GABRR1: variants seen among roughly 807,000 people sequenced by gnomAD.
The protein encoded by GABRR1 is gamma-aminobutyric acid receptor subunit rho-1.
A neutral mutation model predicts 55.5 loss-of-function variants in GABRR1; 59 were observed. The observed-to-expected ratio is 1.06, with a 90% confidence interval of 0.86 to 1.32. The LOEUF is 1.32. Among genes scored for constraint, GABRR1 ranks in the 40% most tolerant of loss-of-function variants. The pLI is 0.00. For missense variants in GABRR1, 602 were observed against 619.1 expected (o/e 0.97, Z 0.29); for synonymous variants, 213 against 226.0 (o/e 0.94, Z 0.51).
intron 3 of GABRR1, among the ~76,000 whole-genome samples, chr6:89,200,331 C>T (rs9451179): frequency 0.12 from 17,497 of 146,894 alleles, 1,111 homozygotes; most frequent in Non-Finnish European, 0.14. Context: ...TCACTGCAAC[C>T]TCCGCCTCCT....
chr6:89,192,609 C>CGAG (rs1772138806), intron 5 of GABRR1, among the ~76,000 whole-genome samples: 2 of 147,448 alleles, frequency 1.4e-5, no homozygotes, highest in Non-Finnish European at 3.0e-5. Flanking sequence ...GTCGCCCAGG[C>CGAG]TGGAGTGCAG....
intron 6 of GABRR1, among the ~76,000 whole-genome samples, chr6:89,188,667 C>G (rs1482378311): frequency 1.3e-5 from 2 of 152,076 alleles, no homozygotes; most frequent in Non-Finnish European, 2.9e-5. Flanking sequence ...AATCCTTTAT[C>G]AGATAGATGA....
chr6:89,204,763 CT>C (rs1271517201), intron 1 of GABRR1: 25 of 765,072 alleles, frequency 3.3e-5, no homozygotes, highest in East Asian at 7.5e-5. Context: ...TATTAGATAA[CT>C]TTTTTTCCTG....
At chr6:89,230,972 G>A (rs927714539) in intron 1 of GABRR1, among the ~76,000 whole-genome samples, 3 of 151,620 alleles carry the variant, frequency 2.0e-5, no homozygotes, top group Admixed American at 6.6e-5. Context: ...GTGGTGCGCC[G>A]TTTTTTAAGC....
At chr6:89,217,478 A>G, upstream of GABRR1, 1 of 768,452 alleles carries the variant, frequency 1.3e-6, no homozygotes, top group South Asian at 2.0e-5. Flanking sequence ...GGAGAGCAGG[A>G]GAAAGCAATT....
rs912640944 is a variant in GABRR1 at position 89,199,114 on chromosome 6, A to G, written c.348+248T>C. ...TGCTTACATTTGAGAGCTTTTGTCC[A>G]GAAAATGCATCCCAGTGGCAAGAGC... On this transcript the variant is annotated intron_variant, in intron 4 of 9. Coordinates refer to ENST00000454853, the MANE Select transcript of GABRR1 (RefSeq NM_002042.5). 2.6e-5 allele frequency among the ~76,000 whole-genome samples: 4 copies of G among 152,296 alleles called. No individual in the cohort carries two copies. In the South Asian group the frequency reaches 8.3e-4, roughly 32 times the overall value.
intron 1 of GABRR1, among the ~76,000 whole-genome samples, chr6:89,215,146 A>C (rs937805553): frequency 1.3e-5 from 2 of 152,204 alleles, no homozygotes; most frequent in African/African-American, 4.8e-5. Flanking sequence ...TTCCTCTAAA[A>C]ACTAAAAACA....
chr6:89,230,940 G>T (rs1474626843), intron 1 of GABRR1, among the ~76,000 whole-genome samples: 2 of 151,704 alleles, frequency 1.3e-5, no homozygotes, highest in African/African-American at 4.8e-5. Context: ...GACCCTCCGA[G>T]CCAGGTGTGG....
chr6:89,207,192 TTTAATG>T (rs1464888380), intron 1 of GABRR1, among the ~76,000 whole-genome samples: 1 of 152,078 alleles, frequency 6.6e-6, no homozygotes, highest in Non-Finnish European at 1.5e-5. Context: ...TAAATTTTTT[TTTAATG>T]TTAATTTTTT....
At chr6:89,203,560 TC>T in intron 1 of GABRR1, 75 bp from the exon 2 acceptor site, 1 of 1,070,434 alleles carries the variant, frequency 9.3e-7, no homozygotes, top group Non-Finnish European at 1.5e-6. Context: ...CCCCTCTCCC[TC>T]CAGATTTGCT....
chr6:89,185,183 C>T (rs1771862604), intron 7 of GABRR1, 127 bp downstream of exon 7: 1 of 1,251,352 alleles, frequency 8.0e-7, no homozygotes, highest in Non-Finnish European at 1.1e-6. Flanking sequence ...CGGCCTCTGT[C>T]TTTAGTTTCA....
chr6:89,220,461 C>T (rs144568729), upstream of GABRR1, among the ~76,000 whole-genome samples: 375 of 152,356 alleles, frequency 2.5e-3, 2 homozygotes, highest in African/African-American at 8.4e-3. Flanking sequence ...GCCAACCATG[C>T]ATCCCTCTTA....
At position 89,197,196 on chromosome 6, in the gene GABRR1, A is replaced by G. The variant is rs444123; in HGVS notation, c.572+824T>C. ...CCATAGGTTTATAAGTCTACTGTGC[A>G]AGCATCCATGAACCCTCTACTTATA... On this transcript the variant is annotated intron_variant, in intron 5 of 9. Transcript: ENST00000454853. 8.7e-3 allele frequency among the ~76,000 whole-genome samples: 1,324 copies of G among 152,344 alleles called. 19 individuals are homozygous for G. Among genetic ancestry groups the G allele is most frequent in the African/African-American group, 0.03 (1,251 of 41,576 alleles).
chr6:89,196,885 A>AAAGAAAGAAAGAAAGAAAAGG (rs1562296995), intron 5 of GABRR1, among the ~76,000 whole-genome samples: 2 of 149,858 alleles, frequency 1.3e-5, no homozygotes, highest in South Asian at 4.3e-4. Flanking sequence ...GAAAGAGAAG[A>AAAGAAAGAAAGAAAGAAAAGG]GAAGAAAAAA....
At position 89,196,313 on chromosome 6, in the gene GABRR1, A is replaced by G. The variant is rs76049583; in HGVS notation, c.572+1707T>C. ...TCAGTGATGTTTACAACAAACTTAT[A>G]TACACATAGGTATGCATACTTTCCC... On this transcript the variant is annotated intron_variant, in intron 5 of 9. Coordinates refer to ENST00000454853, the MANE Select transcript of GABRR1 (RefSeq NM_002042.5). Among the ~76,000 whole-genome samples the G allele has an allele frequency of 7.1e-3, 1,084 of 152,032 alleles. 14 individuals carry two copies. The highest frequency in any genetic ancestry group is 0.025 in the African/African-American group (1,045 of 41,348).
intron 1 of GABRR1, among the ~76,000 whole-genome samples, chr6:89,225,330 T>C (rs1324184625): frequency 6.8e-6 from 1 of 146,536 alleles, no homozygotes; most frequent in East Asian, 2.0e-4. Context: ...TAGTTACATA[T>C]GTATACATGT....
At chr6:89,201,792 A>C (rs867944381) in intron 2 of GABRR1, among the ~76,000 whole-genome samples, 40 of 152,114 alleles carry the variant, frequency 2.6e-4, no homozygotes, top group African/African-American at 8.9e-4. Context: ...AAAAAAAAAA[A>C]AAATACCGAT....
upstream of GABRR1, among the ~76,000 whole-genome samples, chr6:89,219,251 G>A (rs1335773018): frequency 6.6e-6 from 1 of 152,124 alleles, no homozygotes; most frequent in Non-Finnish European, 1.5e-5. Context: ...GGGCAATAAG[G>A]AATGAAACTC....
intron 1 of GABRR1, among the ~76,000 whole-genome samples, chr6:89,228,917 C>G (rs200843787): frequency 1.3e-5 from 2 of 149,028 alleles, no homozygotes; most frequent in Non-Finnish European, 1.5e-5. Context: ...GTAGGTCACT[C>G]AGGACTTGCT....
Sources: gnomAD v4.1 joint callset for allele counts (sites outside exome capture counted in the v4.1 genomes callset) on GRCh38, gnomAD v4.1.1 for gene constraint, MANE v1.5 for transcripts, NCBI Gene and HGNC (gene_info 2026-07-23, HGNC 2026-07-21) for gene names.